The following ANKS1B variants were observed in gnomAD, a reference collection of about 807,000 sequenced individuals.
The protein encoded by ANKS1B is ankyrin repeat and sterile alpha motif domain containing 1B.
In ANKS1B, 36 loss-of-function variants were observed where a neutral mutation model predicts 148.3. The observed-to-expected ratio is 0.24, with a 90% CI of 0.19 to 0.32. The LOEUF is 0.32. Among genes scored for constraint, ANKS1B ranks in the 10% least tolerant of loss-of-function variants. The probability of loss-of-function intolerance (pLI) is 1.00; values close to 1 mark genes in which losing one functional copy is unlikely to be tolerated. For synonymous variants in ANKS1B, 542 were observed against 560.8 expected, an observed-to-expected ratio of 0.97 and a Z score of 0.47; for missense variants, 1,157 against 1,542.6, an observed-to-expected ratio of 0.75 and a Z score of 4.19.
At chr12:99,340,622 T>C (rs2089752699) in intron 12 of ANKS1B, among the ~76,000 whole-genome samples, 1 of 152,026 alleles carries the variant, frequency 6.6e-6, no homozygotes, top group African/African-American at 2.4e-5. Context: ...TGATCTGCAA[T>C]GCCAATATCC....
chr12:98,766,151 G>A (rs1033502431), intron 25 of ANKS1B, among the ~76,000 whole-genome samples: 1 of 152,254 alleles, frequency 6.6e-6, no homozygotes, highest in Admixed American at 6.5e-5. Context: ...AAATAGGGAT[G>A]AGAAGATCTC....
intron 14 of ANKS1B, among the ~76,000 whole-genome samples, chr12:99,238,114 G>A (rs2088396386): frequency 1.3e-5 from 2 of 152,258 alleles, no homozygotes; most frequent in Admixed American, 6.5e-5. Flanking sequence ...CCCAGGAAGT[G>A]CAAGGGGTTG....
chr12:99,254,109 C>T (rs1602105690), intron 12 of ANKS1B, among the ~76,000 whole-genome samples: 1 of 152,164 alleles, frequency 6.6e-6, no homozygotes. Flanking sequence ...GAACTAGATC[C>T]TTTGATCATA....
At chr12:99,410,392 G>C (rs780303587) in intron 11 of ANKS1B, among the ~76,000 whole-genome samples, 2 of 152,012 alleles carry the variant, frequency 1.3e-5, no homozygotes, top group Admixed American at 1.3e-4. Context: ...AATTTCAGCT[G>C]GGCACAGTGG....
intron 8 of ANKS1B, among the ~76,000 whole-genome samples, chr12:99,699,705 G>A (rs1379106264): frequency 6.6e-6 from 1 of 152,150 alleles, no homozygotes; most frequent in Non-Finnish European, 1.5e-5. Context: ...AGGATAGAGT[G>A]TATATTCATC....
chr12:99,313,202 A>C (rs1017218316), intron 12 of ANKS1B, among the ~76,000 whole-genome samples: 1 of 152,164 alleles, frequency 6.6e-6, no homozygotes, highest in African/African-American at 2.4e-5. Flanking sequence ...GGACACATAC[A>C]TCCTCCCAGA....
At chr12:99,027,427 G>A (rs780327602) in intron 17 of ANKS1B, among the ~76,000 whole-genome samples, 7 of 152,168 alleles carry the variant, frequency 4.6e-5, no homozygotes, top group Non-Finnish European at 7.4e-5. Flanking sequence ...GCTGATCAGA[G>A]AGTCAGAGTT....
chr12:98,940,766 A>G (rs1465454514), intron 17 of ANKS1B, among the ~76,000 whole-genome samples: 1 of 152,216 alleles, frequency 6.6e-6, no homozygotes, highest in Non-Finnish European at 1.5e-5. Context: ...ACATATGTAT[A>G]AGAATGTTCT....
chr12:99,091,263 G>A (rs2053892845), intron 15 of ANKS1B, among the ~76,000 whole-genome samples: 1 of 152,014 alleles, frequency 6.6e-6, no homozygotes, highest in African/African-American at 2.4e-5. Context: ...TTCTGTCACC[G>A]ATTTTTTCCT....
chr12:99,832,729 A>G (rs893034614), intron 1 of ANKS1B, among the ~76,000 whole-genome samples: 1 of 151,960 alleles, frequency 6.6e-6, no homozygotes, highest in Non-Finnish European at 1.5e-5. Context: ...ATCTTTAAAA[A>G]AAAAAGAGAG....
chr12:99,977,297 C>A (rs186610967), intron 1 of ANKS1B, among the ~76,000 whole-genome samples: 1 of 152,242 alleles, frequency 6.6e-6, no homozygotes, highest in African/African-American at 2.4e-5. Flanking sequence ...ACGTGCAATG[C>A]CACACCTGGC....
chr12:99,653,412 A>T (rs1360814488), intron 9 of ANKS1B, among the ~76,000 whole-genome samples: 1 of 152,162 alleles, frequency 6.6e-6, no homozygotes, highest in Non-Finnish European at 1.5e-5. Context: ...TAAAACATTT[A>T]ATTATTGATA....
chr12:99,646,853 G>T (rs1189332341), intron 9 of ANKS1B, among the ~76,000 whole-genome samples: 9 of 150,010 alleles, frequency 6.0e-5, no homozygotes, highest in African/African-American at 1.7e-4. Flanking sequence ...TGATGGTAAA[G>T]AATAGAGCAT....
chr12:99,537,397 C>T (rs2097081569), intron 9 of ANKS1B, among the ~76,000 whole-genome samples: 1 of 152,064 alleles, frequency 6.6e-6, no homozygotes, highest in Admixed American at 6.5e-5. Flanking sequence ...TAAGGTTTTC[C>T]TTTTTCTCTA....
intron 1 of ANKS1B, among the ~76,000 whole-genome samples, chr12:99,897,249 A>T (rs2093417274): frequency 6.6e-6 from 1 of 151,306 alleles, no homozygotes; most frequent in Admixed American, 6.6e-5. Context: ...ACTGACATGA[A>T]CACTACAAAT....
chr12:99,786,338 C>A (rs2153638426), intron 4 of ANKS1B, among the ~76,000 whole-genome samples: 1 of 152,270 alleles, frequency 6.6e-6, no homozygotes, highest in African/African-American at 2.4e-5. Context: ...GGGAGTCTGT[C>A]AACCAATGCT....
chr12:99,709,202 TA>T (rs1362474961), intron 8 of ANKS1B, among the ~76,000 whole-genome samples: 3 of 152,150 alleles, frequency 2.0e-5, no homozygotes, highest in Non-Finnish European at 4.4e-5. Flanking sequence ...GGAGATTGGA[TA>T]AAGGTATACT....
intron 12 of ANKS1B, among the ~76,000 whole-genome samples, chr12:99,268,005 A>G (rs1462633318): frequency 1.3e-5 from 2 of 152,240 alleles, no homozygotes; most frequent in Non-Finnish European, 2.9e-5. Flanking sequence ...ATCTAACCAA[A>G]GTAATCAGCA....
At chr12:99,149,847 A>G (rs1025361380) in intron 15 of ANKS1B, among the ~76,000 whole-genome samples, 3 of 152,138 alleles carry the variant, frequency 2.0e-5, no homozygotes, top group Admixed American at 2.0e-4. Context: ...ACCAATTGCT[A>G]GTAAATACAT....
Sources: allele counts gnomAD v4.1 joint callset (sites outside exome capture counted in the v4.1 genomes callset), GRCh38; gene constraint gnomAD v4.1.1; transcripts MANE v1.5; gene names NCBI Gene and HGNC (gene_info 2026-07-23, HGNC 2026-07-21).